The following MACROD2 variants were observed in gnomAD, a reference collection of about 807,000 sequenced individuals.
The protein encoded by MACROD2 is ADP-ribose glycohydrolase MACROD2.
MACROD2 carries 36 observed loss-of-function variants against 70.4 expected under a neutral mutation model. The ratio of observed to expected loss-of-function variants is 0.51; its 90% confidence interval spans 0.39 to 0.68. MACROD2 has a LOEUF of 0.68. MACROD2 is among the 30% of genes least tolerant of loss of function. The probability of loss-of-function intolerance (pLI) is 0.00; values close to 1 mark genes in which losing one functional copy is unlikely to be tolerated. For missense variants in MACROD2, 496 were observed against 538.4 expected (o/e 0.92, Z 0.78); for synonymous variants, 172 against 178.8 (o/e 0.96, Z 0.30).
intron 5 of MACROD2, among the ~76,000 whole-genome samples, chr20:14,741,032 C>G (rs930357458): frequency 1.3e-5 from 2 of 152,130 alleles, no homozygotes; most frequent in Non-Finnish European, 2.9e-5. Flanking sequence ...GCAAATCATC[C>G]AGAAATAATT....
At chr20:15,923,778 T>C (rs1452459425) in intron 10 of MACROD2, among the ~76,000 whole-genome samples, 1 of 151,254 alleles carries the variant, frequency 6.6e-6, no homozygotes, top group Admixed American at 6.6e-5. Flanking sequence ...AAACAAAACA[T>C]TTGGTTTATC....
Position 15,021,105 on chromosome 20 carries a change from C to CGT in MACROD2, c.419-208832_419-208831dup, listed in dbSNP as rs200220157. ...GTGTATACACGTGTATGTGTATACA[C>CGT]GTGTATGTGTATACACGTGTGTATA... On this transcript the variant is annotated intron_variant, in intron 5 of 17. Transcript: ENST00000684519. Among the ~76,000 whole-genome samples the CGT allele has an allele frequency of 4.0e-4, 49 of 123,796 alleles. 3 individuals carry two copies. The highest frequency in any genetic ancestry group is 7.1e-4 in the South Asian group (3 of 4,240). 81.2% of individuals were successfully genotyped at this position (123,796 alleles called of 152,430 possible).
rs3045758 is a variant in MACROD2 at position 15,270,154 on chromosome 20, C to CT, written c.540+40111dup. Among the ~76,000 whole-genome samples, 368 of 118,258 alleles carry CT rather than the reference C, an allele frequency of 3.1e-3. 2 individuals carry two copies. The highest frequency in any genetic ancestry group is 8.9e-3 in the African/African-American group (278 of 31,282). The allele number at this position is 118,258 out of a possible 152,430, so 77.6% of individuals were successfully genotyped here. A position where few individuals can be genotyped will look rare whatever the true frequency, so the allele number is the denominator to read the frequency against. ...CCTCGGGGTCTCACACTGACACAGC[C>CT]TTTTTTTTTTTTTTTTTTGGCTGTA... On this transcript the variant is annotated intron_variant, in intron 6 of 17. Transcript: ENST00000684519.
chr20:14,394,522 A>G (rs530507479), intron 3 of MACROD2, among the ~76,000 whole-genome samples: 1 of 152,060 alleles, frequency 6.6e-6, no homozygotes, highest in East Asian at 1.9e-4. Context: ...TCTTCTACAT[A>G]GTTATGTTTT....
intron 15 of MACROD2, among the ~76,000 whole-genome samples, chr20:16,020,995 C>T (rs886353926): frequency 2.6e-5 from 4 of 152,146 alleles, no homozygotes; most frequent in Admixed American, 6.5e-5. Context: ...CTGGTGCTGG[C>T]GGGTCAACAA....
At chr20:14,801,452 T>C (rs1268181607) in intron 5 of MACROD2, among the ~76,000 whole-genome samples, 1 of 152,162 alleles carries the variant, frequency 6.6e-6, no homozygotes, top group East Asian at 1.9e-4. Context: ...GATTTCAGCG[T>C]TAATGTTTTT....
chr20:14,490,601 A>G (rs982969803), intron 3 of MACROD2, among the ~76,000 whole-genome samples: 5 of 152,168 alleles, frequency 3.3e-5, no homozygotes, highest in African/African-American at 1.2e-4. Context: ...GAGATTTTTA[A>G]ATCTTGTTTT....
chr20:14,857,946 G>A (rs188987441), intron 5 of MACROD2, among the ~76,000 whole-genome samples: 5 of 151,994 alleles, frequency 3.3e-5, no homozygotes, highest in South Asian at 4.2e-4. Context: ...TCAGCCTCCC[G>A]AGTAGCTGGG....
At chr20:14,439,005 C>T (rs146262001) in intron 3 of MACROD2, among the ~76,000 whole-genome samples, 40 of 152,170 alleles carry the variant, frequency 2.6e-4, no homozygotes, top group East Asian at 2.1e-3. Context: ...GAGGTTTTTC[C>T]GTATTTCTCC....
intron 3 of MACROD2, among the ~76,000 whole-genome samples, chr20:14,199,136 G>C (rs938378061): frequency 5.9e-5 from 9 of 152,038 alleles, no homozygotes; most frequent in African/African-American, 1.9e-4. Context: ...TTGAAAATTA[G>C]TTATCATACA....
chr20:15,471,733 T>C (rs1167998585), intron 7 of MACROD2, among the ~76,000 whole-genome samples: 1 of 152,188 alleles, frequency 6.6e-6, no homozygotes, highest in African/African-American at 2.4e-5. Flanking sequence ...TCTCCTTCTT[T>C]TCTGTCTAAA....
chr20:14,984,962 C>T (rs2074835412), intron 5 of MACROD2, among the ~76,000 whole-genome samples: 1 of 152,192 alleles, frequency 6.6e-6, no homozygotes, highest in Non-Finnish European at 1.5e-5. Context: ...TGCTGTCCTT[C>T]CCTTGTCTCT....
At chr20:15,716,102 GAGA>G (rs1248488655) in intron 8 of MACROD2, among the ~76,000 whole-genome samples, 7 of 152,144 alleles carry the variant, frequency 4.6e-5, no homozygotes, top group Non-Finnish European at 4.4e-5. Flanking sequence ...GATACTGCAA[GAGA>G]AGGTCAACTG....
intron 6 of MACROD2, among the ~76,000 whole-genome samples, chr20:15,353,053 T>A (rs1351682720): frequency 6.6e-6 from 1 of 152,138 alleles, no homozygotes; most frequent in East Asian, 1.9e-4. Flanking sequence ...AAGTCAATCC[T>A]GAGCCAGAAG....
chr20:15,146,403 G>A (rs1057485870), intron 5 of MACROD2, among the ~76,000 whole-genome samples: 2 of 152,078 alleles, frequency 1.3e-5, no homozygotes, highest in East Asian at 1.9e-4. Flanking sequence ...TTGTTTTCTT[G>A]TCTTAATTCT....
At chr20:14,725,896 T>C (rs529274330) in intron 5 of MACROD2, among the ~76,000 whole-genome samples, 4 of 152,276 alleles carry the variant, frequency 2.6e-5, no homozygotes, top group Admixed American at 6.5e-5. Flanking sequence ...CAGATGCTGT[T>C]TGCACAGGAA....
At chr20:14,053,717 T>C (rs2148650744) in intron 2 of MACROD2, 1 of 152,278 alleles carries the variant, frequency 6.6e-6, no homozygotes, top group East Asian at 1.9e-4. Flanking sequence ...TTGTGGTCAA[T>C]TTTCTCAATT....
intron 6 of MACROD2, among the ~76,000 whole-genome samples, chr20:15,396,251 G>A (rs765878692): frequency 6.6e-6 from 1 of 152,166 alleles, no homozygotes; most frequent in Non-Finnish European, 1.5e-5. Flanking sequence ...CACTAGCATA[G>A]CAGTCATTGC....
chr20:14,043,964 T>C (rs1014763721), intron 2 of MACROD2, among the ~76,000 whole-genome samples: 3 of 152,206 alleles, frequency 2.0e-5, no homozygotes, highest in Admixed American at 6.5e-5. Flanking sequence ...ACGATAAGGC[T>C]TCAGTGAAAG....
Sources: allele counts gnomAD v4.1 joint callset (sites outside exome capture counted in the v4.1 genomes callset), GRCh38; gene constraint gnomAD v4.1.1; transcripts MANE v1.5; gene names NCBI Gene and HGNC (gene_info 2026-07-23, HGNC 2026-07-21).